Variants in PCDH19 observed in about 807,000 individuals in gnomAD.
PCDH19 encodes protocadherin-19.
Under a neutral mutation model 46.2 loss-of-function variants are expected in PCDH19, and 6 were observed. That is an observed-to-expected ratio of 0.13 (90% CI 0.07 to 0.26). The LOEUF is 0.26. Ranked by LOEUF, PCDH19 falls within the 10% of genes least tolerant of loss-of-function variation. The probability of loss-of-function intolerance (pLI) is 1.00; values close to 1 mark genes in which losing one functional copy is unlikely to be tolerated. For missense variants in PCDH19, 740 were observed against 972.3 expected (o/e 0.76, Z 3.18); for synonymous variants, 481 against 415.7 (o/e 1.16, Z -1.91).
At chrX:100,368,120 A>G (rs1171330156) in intron 3 of PCDH19, among the ~76,000 whole-genome samples, 1 of 111,915 alleles carries the variant, frequency 8.9e-6, no homozygotes, top group Non-Finnish European at 1.9e-5. Flanking sequence ...GTGCTAGAAA[A>G]ATCAATATCC....
chrX:100,345,326 TCA>T (rs1403282937), intron 4 of PCDH19, among the ~76,000 whole-genome samples: 1 of 111,860 alleles, frequency 8.9e-6, no homozygotes, highest in Non-Finnish European at 1.9e-5. Flanking sequence ...TAAACAATAG[TCA>T]CACACTATTA....
At chrX:100,321,068 G>C (rs1270566651) in intron 5 of PCDH19, among the ~76,000 whole-genome samples, 1 of 110,960 alleles carries the variant, frequency 9.0e-6, no homozygotes, top group Non-Finnish European at 1.9e-5. Flanking sequence ...ACTTCACTTA[G>C]AATAATAGTC....
At chrX:100,334,779 T>C (rs1279814894) in intron 5 of PCDH19, among the ~76,000 whole-genome samples, 2 of 108,555 alleles carry the variant, frequency 1.8e-5, no homozygotes, top group Admixed American at 2.0e-4. Flanking sequence ...TGTGTGTGTA[T>C]AGTGTGTGTG....
intron 5 of PCDH19, among the ~76,000 whole-genome samples, chrX:100,336,617 A>G (rs1259709001): frequency 1.8e-5 from 2 of 112,310 alleles, no homozygotes; most frequent in African/African-American, 6.5e-5. Context: ...AGCAATCATT[A>G]TATTGCATTT....
intron 3 of PCDH19, among the ~76,000 whole-genome samples, chrX:100,389,790 C>T (rs1927815656): frequency 9.0e-6 from 1 of 111,469 alleles, no homozygotes; most frequent in Non-Finnish European, 1.9e-5. Flanking sequence ...GTTTATGATA[C>T]TTGTAGATAT....
intron 3 of PCDH19, among the ~76,000 whole-genome samples, chrX:100,385,336 G>C (rs916690126): frequency 5.4e-5 from 6 of 110,460 alleles, no homozygotes; most frequent in African/African-American, 2.0e-4. Flanking sequence ...CAACTTATCT[G>C]GGGGAAATAC....
chrX:100,356,811 A>T (rs1341914538), intron 3 of PCDH19, among the ~76,000 whole-genome samples: 1 of 110,352 alleles, frequency 9.1e-6, no homozygotes. Flanking sequence ...ACAAACACAC[A>T]CAGTTTGACT....
intron 5 of PCDH19, among the ~76,000 whole-genome samples, chrX:100,317,513 A>G (rs11797294): frequency 0.29 from 31,525 of 108,893 alleles, 3,652 homozygotes; most frequent in Non-Finnish European, 0.35. Context: ...GCAGCCAATA[A>G]AAGTTCGGTC....
At chrX:100,334,608 A>G (rs767661862) in intron 5 of PCDH19, among the ~76,000 whole-genome samples, 1 of 111,092 alleles carries the variant, frequency 9.0e-6, no homozygotes, top group Non-Finnish European at 1.9e-5. Context: ...CAGCTCAGAG[A>G]TAACCCAGAC....
intron 1 of PCDH19, among the ~76,000 whole-genome samples, chrX:100,405,654 G>A (rs1314461806): frequency 9.6e-6 from 1 of 103,704 alleles, no homozygotes; most frequent in Non-Finnish European, 1.9e-5. Context: ...TCCACTGGTA[G>A]GAACCAGATC....
intron 5 of PCDH19, among the ~76,000 whole-genome samples, chrX:100,322,865 A>ATATATATATATATATTTTTTTTTTTT: frequency 9.2e-5 from 5 of 54,414 alleles, no homozygotes; most frequent in African/African-American, 3.4e-4. Context: ...ATATATATAT[A>ATATATATATATATATTTTTTTTTTTT]TTTTTGCAGC....
At chrX:100,354,017 A>G (rs150305756) in intron 3 of PCDH19, among the ~76,000 whole-genome samples, 2,432 of 111,978 alleles carry the variant, frequency 0.022, 62 homozygotes, top group African/African-American at 0.076. Flanking sequence ...GTTATGGGAA[A>G]AATCTATGCA....
chrX:100,394,527 G>C (rs1025714057), intron 3 of PCDH19, among the ~76,000 whole-genome samples: 1 of 111,425 alleles, frequency 9.0e-6, no homozygotes, highest in Non-Finnish European at 1.9e-5. Context: ...CTTCAGGAAC[G>C]AGCTCTACAG....
At chrX:100,404,187 G>A (rs1022011085) in intron 1 of PCDH19, among the ~76,000 whole-genome samples, 11 of 111,629 alleles carry the variant, frequency 9.9e-5, no homozygotes, top group Admixed American at 2.9e-4. Flanking sequence ...AGTCTGAGCA[G>A]ATAGGGAGAC....
In PCDH19 at chrX:100,292,005, C is replaced by T. The variant is rs1159464210; in HGVS notation, c.*4272G>A. The T allele has an allele frequency of 1.8e-5, 2 of 113,342 alleles. No homozygotes were observed. The highest frequency in any genetic ancestry group is 3.2e-5 in the African/African-American group (1 of 31,136). 9.3% of individuals were successfully genotyped at this position (113,342 alleles called of 1,213,427 possible). On this transcript the variant is annotated 3_prime_UTR_variant, in exon 6 of 6. Transcript: ENST00000373034. ...TTTCCACCCTGGTTTGACAGGTAAA[C>T]AGTAATAGTGTCATCAGGCTCATTC... is the stretch of plus-strand genomic sequence containing the variant.
At chrX:100,383,078 A>T (rs1927602994) in intron 3 of PCDH19, among the ~76,000 whole-genome samples, 1 of 112,604 alleles carries the variant, frequency 8.9e-6, no homozygotes, top group Non-Finnish European at 1.9e-5. Flanking sequence ...TAAGAATCTG[A>T]TTGCCTCCTT....
intron 5 of PCDH19, among the ~76,000 whole-genome samples, chrX:100,302,423 A>C (rs6620859): frequency 0.33 from 36,358 of 110,395 alleles, 5,376 homozygotes; most frequent in East Asian, 0.65. Context: ...TCCCTTTTAT[A>C]ACATTCATCA....
At chrX:100,378,015 C>T (rs756441149) in intron 3 of PCDH19, among the ~76,000 whole-genome samples, 3 of 112,451 alleles carry the variant, frequency 2.7e-5, no homozygotes, top group Non-Finnish European at 3.8e-5. Context: ...GATAAATATT[C>T]AGCCCAGGAT....
chrX:100,307,660 C>T (rs1924990623), intron 5 of PCDH19, among the ~76,000 whole-genome samples: 1 of 110,833 alleles, frequency 9.0e-6, no homozygotes, highest in South Asian at 3.8e-4. Context: ...ACGAGTCATC[C>T]AAAAAGCTCC....
Sources: gnomAD v4.1 joint callset for allele counts (sites outside exome capture counted in the v4.1 genomes callset) on GRCh38, gnomAD v4.1.1 for gene constraint, MANE v1.5 for transcripts, NCBI Gene and HGNC (gene_info 2026-07-23, HGNC 2026-07-21) for gene names.